Variants in ATP8B2 observed in about 807,000 individuals in gnomAD.
The protein encoded by ATP8B2 is ATPase phospholipid transporting 8B2.
Under a neutral mutation model 133.4 loss-of-function variants are expected in ATP8B2, and 70 were observed. The observed-to-expected ratio is 0.52, with a 90% CI of 0.43 to 0.64. The LOEUF is 0.64. ATP8B2 is among the 30% of genes least tolerant of loss of function. The pLI, the probability that ATP8B2 is intolerant of heterozygous loss-of-function variation, is 0.00. For missense variants in ATP8B2, 1,101 were observed against 1,535.7 expected (o/e 0.72, Z 4.73); for synonymous variants, 517 against 589.5 (o/e 0.88, Z 1.78).
rs774600862 is a variant in ATP8B2, at chr1:154,346,721, G to T, written c.3126G>T (p.Gly1042=). The T allele has an allele frequency of 6.1e-5, 98 of 1,614,060 alleles. No individual in the cohort carries two copies. Among genetic ancestry groups the T allele is most frequent in the Non-Finnish European group, 8.1e-5 (96 of 1,180,046 alleles). ...FAILFAMHSN[G]LFDMFPNQFR... ...TCCTCTTTGCCATGCACAGCAATGGGCTCTTCGACATGTTTCCCAACCAGT... is the reference window on the plus strand; with the variant it reads ...TCCTCTTTGCCATGCACAGCAATGGTCTCTTCGACATGTTTCCCAACCAGT... The change falls in exon 26 of 28, where the codon GGG becomes GGT. Residue 1042 remains glycine, a synonymous_variant. Transcript: ENST00000368489. This position sits in a 1 kb window ranked among gnomAD's most constrained non-coding sequence, Gnocchi z 4.5.
At chr1:154,339,660 AAG>A (rs74439393) in intron 12 of ATP8B2, among the ~76,000 whole-genome samples, 1,717 of 152,226 alleles carry the variant, frequency 0.011, 17 homozygotes, top group Middle Eastern at 0.017. Context: ...TCGGGAGGCT[AAG>A]AGGGGGTTGA....
Position 154,340,461 on chromosome 1 carries a change from A to C in ATP8B2, c.1035-393A>C. 1.5e-5 allele frequency: 3 copies of C among 202,962 alleles called. No homozygotes were observed. The highest frequency in any genetic ancestry group is 3.3e-5 in the Non-Finnish European group (3 of 90,046). 12.6% of individuals were successfully genotyped at this position (202,962 alleles called of 1,614,324 possible). A position where few individuals can be genotyped will look rare whatever the true frequency, so the allele number is the denominator to read the frequency against. On this transcript the variant is annotated intron_variant, in intron 12 of 27. Transcript: ENST00000368489. This position sits in a 1 kb window ranked among gnomAD's most constrained non-coding sequence, Gnocchi z 4.0. ...CTGTGGCATGCACAGCACCCTCATT[A>C]TTTCTCTCTCTCTTTTCTCTCCCCT... is the stretch of plus-strand genomic sequence containing the variant.
chr1:154,348,674 C>T lies in ATP8B2; in HGVS notation c.3294+136C>T, dbSNP rs199954148. ...CTTATCTGTTCTTCCTGGGGACAGA[C>T]ACCCTGTGCAGCTGGCCACAGAGGC... On this transcript the variant is annotated intron_variant, in intron 27 of 27. Coordinates refer to ENST00000368489, the MANE Select transcript of ATP8B2 (RefSeq NM_001370597.1). The T allele has an allele frequency of 1.8e-4, 257 of 1,411,462 alleles. 1 individual carries two copies. The East Asian group carries it at 2.3e-3, about 13-fold the overall frequency. 87.4% of individuals were successfully genotyped at this position (1,411,462 alleles called of 1,614,324 possible). A position where few individuals can be genotyped will look rare whatever the true frequency, so the allele number is the denominator to read the frequency against.
At chr1:154,341,450 C>T (rs1686381719) in intron 13 of ATP8B2, 1 of 320,914 alleles carries the variant, frequency 3.1e-6, no homozygotes, top group Non-Finnish European at 6.1e-6. Flanking sequence ...CCATGATCTT[C>T]CACTGCACTC....
Position 154,341,471 on chromosome 1 carries a change from G to A in ATP8B2, c.1243+409G>A, listed in dbSNP as rs546263271. ...TCTTCCACTGCACTCCAGCCTGGGC[G>A]ACAGAATGAGGCCCTGTCTCTCGAG... On this transcript the variant is annotated intron_variant, in intron 13 of 27. Coordinates refer to ENST00000368489, the MANE Select transcript of ATP8B2 (RefSeq NM_001370597.1). The A allele has an allele frequency of 1.6e-4, 47 of 290,514 alleles. 1 individual carries two copies. The East Asian group carries it at 3.3e-3, about 20-fold the overall frequency. 18.0% of individuals were successfully genotyped at this position (290,514 alleles called of 1,614,324 possible).
At position 154,331,939 on chromosome 1, in the gene ATP8B2, A is replaced by G. The variant is rs749944595; in HGVS notation, c.439-15A>G. ...GGTTTGCATATTTGGACTTCTCATT[A>G]GTTTTTCTCTCTAGGCGGATCTCCT... On this transcript the variant is annotated splice_polypyrimidine_tract_variant and intron_variant, in intron 7 of 27. Coordinates refer to ENST00000368489, the MANE Select transcript of ATP8B2 (RefSeq NM_001370597.1). This position sits in a 1 kb window ranked among gnomAD's most constrained non-coding sequence, Gnocchi z 4.8. 1.9e-6 allele frequency: 3 copies of G among 1,611,640 alleles called. No homozygotes were observed. Among genetic ancestry groups the G allele is most frequent in the Non-Finnish European group, 2.5e-6 (3 of 1,177,728 alleles).
chr1:154,337,391 G>A lies in ATP8B2; in HGVS notation c.881G>A (p.Gly294Asp). The A allele has an allele frequency of 6.2e-7, 1 of 1,614,064 alleles. No individual in the cohort carries two copies. The highest frequency in any genetic ancestry group is 8.5e-7 in the Non-Finnish European group (1 of 1,179,998). The change falls in exon 12 of 28, where the codon GGC becomes GAC. Residue 294 changes from glycine (G) to aspartate (D), a missense_variant. Coordinates refer to ENST00000368489, the MANE Select transcript of ATP8B2 (RefSeq NM_001370597.1). ...LVCMGVILAIGNAIWEHEVGM... is the reference protein window; with the variant it reads ...LVCMGVILAIDNAIWEHEVGM... ...TGCATGGGGGTGATCCTGGCCATTG[G>A]CAATGCCATCTGGGAGCACGAGGTG...
chr1:154,336,182 C>G (rs777543852), intron 11 of ATP8B2, among the ~76,000 whole-genome samples: 9 of 152,158 alleles, frequency 5.9e-5, no homozygotes, highest in Non-Finnish European at 8.8e-5. Flanking sequence ...CATCCCCACT[C>G]TTACCAACTT....
intron 11 of ATP8B2, 33 bp from the exon 12 acceptor site, chr1:154,337,314 GT>G: frequency 6.3e-7 from 1 of 1,588,918 alleles, no homozygotes; most frequent in Non-Finnish European, 8.6e-7. Flanking sequence ...CTTCCTACAT[GT>G]CAGCCTCGCC....
In ATP8B2 at chr1:154,344,475, G is replaced by C. The variant is rs1448791454; in HGVS notation, c.2116G>C (p.Val706Leu). 6.2e-7 allele frequency: 1 copy of C among 1,614,180 alleles called. No individual in the cohort carries two copies. The highest frequency in any genetic ancestry group is 8.5e-7 in the Non-Finnish European group (1 of 1,180,034). Residue 706 changes from valine (V) to leucine (L), a missense_variant, in exon 20 of 28, where the codon GTC becomes CTC. Coordinates refer to ENST00000368489, the MANE Select transcript of ATP8B2 (RefSeq NM_001370597.1). This position sits in a 1 kb window ranked among gnomAD's most constrained non-coding sequence, Gnocchi z 4.1. ...TEVFIVTGHT[V>L]LEVREELRKA... The stretch of plus-strand genomic sequence containing the variant: ...GGTTTTCATAGTCACTGGCCATACT[G>C]TCCTGGAGGTGCGGGAGGAGCTCAG...
intron 11 of ATP8B2, among the ~76,000 whole-genome samples, chr1:154,337,041 A>G (rs1686209043): frequency 6.6e-6 from 1 of 151,262 alleles, no homozygotes; most frequent in African/African-American, 2.4e-5. Flanking sequence ...CAGGTGATCC[A>G]TCCGCCTCAA....
intron 1 of ATP8B2, among the ~76,000 whole-genome samples, chr1:154,327,630 T>C (rs549457412): frequency 6.6e-6 from 1 of 152,104 alleles, no homozygotes; most frequent in East Asian, 1.9e-4. Context: ...GCAGGGAACT[T>C]ATAAGCCTTT....
In ATP8B2 at chr1:154,340,810, C is replaced by T. The variant is rs755437511; in HGVS notation, c.1035-44C>T. On this transcript the variant is annotated intron_variant, in intron 12 of 27. Transcript: ENST00000368489. The surrounding 1 kb of genome is among the most constrained non-coding windows in gnomAD (Gnocchi z 4.0). Reference sequence around the variant, plus strand: ...GAAGGCCCATGTGGGTGGGGCACCTCCTCTTCTTCCCGACCCAAGCCTCAC... The same window carrying T: ...GAAGGCCCATGTGGGTGGGGCACCTTCTCTTCTTCCCGACCCAAGCCTCAC... 1.1e-5 allele frequency: 17 copies of T among 1,594,460 alleles called. No homozygotes were observed. Among genetic ancestry groups the T allele is most frequent in the Non-Finnish European group, 1.0e-5 (12 of 1,163,382 alleles).
At chr1:154,329,363 A>G (rs1405326690) in intron 2 of ATP8B2, among the ~76,000 whole-genome samples, 1 of 152,160 alleles carries the variant, frequency 6.6e-6, no homozygotes, top group Non-Finnish European at 1.5e-5. Flanking sequence ...TGTGCTCTGC[A>G]GGGGTCCTGG....
Position 154,345,664 on chromosome 1 carries a change from A to C in ATP8B2, c.2694+119A>C. ...TATTTTCTGGTACATACTCTTAAAAAATGCTTATTAAAGGAGGAGAGAAGG... is the reference window on the plus strand; with the variant it reads ...TATTTTCTGGTACATACTCTTAAAACATGCTTATTAAAGGAGGAGAGAAGG... On this transcript the variant is annotated intron_variant, in intron 23 of 27. Transcript: ENST00000368489. This position sits in a 1 kb window ranked among gnomAD's most constrained non-coding sequence, Gnocchi z 5.6. 7.6e-7 allele frequency: 1 copy of C among 1,312,244 alleles called. No homozygotes were observed. Among genetic ancestry groups the C allele is most frequent in the Admixed American group, 1.9e-5 (1 of 51,616 alleles). 81.3% of individuals were successfully genotyped at this position (1,312,244 alleles called of 1,614,324 possible). A position where few individuals can be genotyped will look rare whatever the true frequency, so the allele number is the denominator to read the frequency against.
At chr1:154,338,685 CAAAA>C (rs1014876368) in intron 12 of ATP8B2, 1 of 152,012 alleles carries the variant, frequency 6.6e-6, no homozygotes, top group Non-Finnish European at 1.5e-5. Flanking sequence ...AACAAACAAA[CAAAA>C]AAGTTTTTGA....
In ATP8B2 at chr1:154,341,197, C is replaced by T. The variant is rs533881671; in HGVS notation, c.1243+135C>T. 44 of 923,102 alleles carry T rather than the reference C, an allele frequency of 4.8e-5. No homozygotes were observed. The African/African-American group carries it at 7.0e-4, about 15-fold the overall frequency. The allele number at this position is 923,102 out of a possible 1,614,324, so 57.2% of individuals were successfully genotyped here. On this transcript the variant is annotated intron_variant, in intron 13 of 27. Coordinates refer to ENST00000368489, the MANE Select transcript of ATP8B2 (RefSeq NM_001370597.1). ...TCTGAGGGGCCTAGAAGAAAGGGTC[C>T]ATCCTGGCCAGGCACGGTGGCTCAT...
intron 11 of ATP8B2, among the ~76,000 whole-genome samples, chr1:154,336,298 A>G (rs1009211921): frequency 6.6e-6 from 1 of 152,118 alleles, no homozygotes; most frequent in African/African-American, 2.4e-5. Context: ...CCACATGATA[A>G]TTGGTGACAG....
chr1:154,332,530 C>T, intron 8 of ATP8B2, 88 bp from the exon 9 acceptor site: 6 of 1,069,544 alleles, frequency 5.6e-6, no homozygotes, highest in Non-Finnish European at 8.4e-6. Context: ...TGCACTCCAG[C>T]CTGAGCAGCA....
Sources: allele counts gnomAD v4.1 joint callset (sites outside exome capture counted in the v4.1 genomes callset), GRCh38; gene constraint gnomAD v4.1.1; non-coding constraint Gnocchi (gnomAD v3.1); transcripts MANE v1.5; gene names NCBI Gene and HGNC (gene_info 2026-07-23, HGNC 2026-07-21).